The following POLR3A variants were observed in gnomAD, a reference collection of about 807,000 sequenced individuals.
The protein encoded by POLR3A is DNA-directed RNA polymerase III subunit RPC1.
Under a neutral mutation model 152.8 loss-of-function variants are expected in POLR3A, and 112 were observed. That is an observed-to-expected ratio of 0.73 (90% CI 0.63 to 0.86). The LOEUF is 0.86. Among genes scored for constraint, POLR3A ranks in the 40% least tolerant of loss-of-function variants. POLR3A has a pLI of 0.00. For synonymous variants in POLR3A, 615 were observed against 652.1 expected, an observed-to-expected ratio of 0.94 and a Z score of 0.87; for missense variants, 1,385 against 1,743.1, an observed-to-expected ratio of 0.79 and a Z score of 3.66.
chr10:77,980,413 G>T lies in POLR3A; in HGVS notation c.3892-140C>A. 9.2e-6 allele frequency: 7 copies of T among 764,948 alleles called. No individual in the cohort carries two copies. The South Asian group carries it at 1.0e-4, about 11-fold the overall frequency. The allele number at this position is 764,948 out of a possible 1,614,324, so 47.4% of individuals were successfully genotyped here. Reference sequence around the variant, plus strand: ...GGTGTGAAAGGCCCTGAGGAGCTATGGGTCCGCCCTCTGTGTCCCATTGAG... The same window carrying T: ...GGTGTGAAAGGCCCTGAGGAGCTATTGGTCCGCCCTCTGTGTCCCATTGAG... On this transcript the variant is annotated intron_variant, in intron 29 of 30. Coordinates refer to ENST00000372371, the MANE Select transcript of POLR3A (RefSeq NM_007055.4).
intron 2 of POLR3A, 67 bp from the exon 3 acceptor site, chr10:78,025,826 T>C (rs1260095242): frequency 1.2e-5 from 17 of 1,436,100 alleles, no homozygotes; most frequent in Non-Finnish European, 1.3e-5. Context: ...CCAGCCATCA[T>C]GCCTGGCTGG....
At chr10:77,989,283 G>T (rs77853092) in intron 21 of POLR3A, among the ~76,000 whole-genome samples, 2 of 152,120 alleles carry the variant, frequency 1.3e-5, no homozygotes, top group African/African-American at 4.8e-5. Flanking sequence ...CTATGAGCAC[G>T]GGCATTCTCC....
intron 21 of POLR3A, among the ~76,000 whole-genome samples, chr10:77,990,617 A>AT (rs751268930): frequency 0.085 from 11,670 of 138,054 alleles, 1,342 homozygotes; most frequent in African/African-American, 0.26. Flanking sequence ...ACTGCCTGTC[A>AT]TTTTTTTTTT....
At chr10:78,025,524 A>G (rs573596102) in intron 3 of POLR3A, 98 bp downstream of exon 3, 48 of 1,165,872 alleles carry the variant, frequency 4.1e-5, no homozygotes, top group Non-Finnish European at 6.1e-5. Context: ...AGTCCCCTAG[A>G]TGTATCCCCC....
rs760700130 is a variant in POLR3A, at chr10:78,017,631, C to T, written c.1375G>A (p.Val459Met). The T allele has an allele frequency of 1.2e-6, 2 of 1,614,132 alleles. No homozygotes were observed. The highest frequency in any genetic ancestry group is 3.3e-5 in the Admixed American group (2 of 60,026). ...GAGGGCTGCCGATTGAACAGCACCA[C>T]ATCTCCATCGATGAGGTGTCTCTCT... ...IVERHLIDGDVVLFNRQPSLH... is the reference protein window; with the variant it reads ...IVERHLIDGDMVLFNRQPSLH... The change falls in exon 10 of 31, where the codon GTG becomes ATG. Residue 459 changes from valine to methionine, a missense_variant. Val to Met is a conservative substitution (Grantham distance 21). Around this residue, in one of 7 missense-constraint regions of POLR3A, gnomAD observed 493 missense variants for 647.5 expected, o/e 0.76. Transcript: ENST00000372371.
chr10:77,984,210 C>T lies in POLR3A; in HGVS notation c.3331G>A (p.Gly1111Arg), dbSNP rs139624168. The T allele has an allele frequency of 1.9e-6, 3 of 1,598,080 alleles. No individual in the cohort carries two copies. In the East Asian group the frequency reaches 6.7e-5, roughly 36 times the overall value. The change falls in exon 25 of 31, where the codon GGA becomes AGA. Residue 1111 changes from glycine (G) to arginine (R), a missense_variant. Gly to Arg is a moderately radical substitution (Grantham distance 125). Transcript: ENST00000372371. ...VKGRIEKTLL[G>R]EISEYIEEVF... ...CAATAGGGATTTCTTCTTACCTCTC[C>T]CAAGAGGGTTTTCTCAATTCTCCCT...
rs952024601 is a variant in POLR3A at position 78,019,069 on chromosome 10, G to A, written c.1289+93C>T. 5.5e-6 allele frequency: 5 copies of A among 901,164 alleles called. No individual in the cohort carries two copies. The African/African-American group carries it at 6.5e-5, about 12-fold the overall frequency. The allele number at this position is 901,164 out of a possible 1,614,324, so 55.8% of individuals were successfully genotyped here. ...CACATGCCAAAATGTCACGCAAACT[G>A]TATTTCTGGATTGCATTCTGTGGCT... is the stretch of plus-strand genomic sequence containing the variant. On this transcript the variant is annotated intron_variant, in intron 9 of 30. Coordinates refer to ENST00000372371, the MANE Select transcript of POLR3A (RefSeq NM_007055.4).
chr10:78,013,889 G>A, intron 10 of POLR3A, 99 bp from the exon 11 acceptor site: 1 of 1,350,096 alleles, frequency 7.4e-7, no homozygotes, highest in Admixed American at 1.8e-5. Flanking sequence ...CTGGAATACT[G>A]GGCACTGGCT....
In POLR3A at chr10:78,009,937, T is replaced by C; in HGVS notation, c.1697A>G (p.Gln566Arg). ...DTFFDRAKAC[Q>R]IIASILVGKD... ...GCCAACCAGTATTGAAGCAATGATTTGGCAAGCCTTGGCTCGATCAAAGAA... is the reference window on the plus strand; with the variant it reads ...GCCAACCAGTATTGAAGCAATGATTCGGCAAGCCTTGGCTCGATCAAAGAA... The change falls in exon 13 of 31, where the codon CAA (glutamine) becomes CGA (arginine). Residue 566 changes from glutamine (Q) to arginine (R), a missense_variant. By Grantham distance (43) the Gln-to-Arg change is conservative. This residue lies in a region of POLR3A where 188 missense variants were observed against 179.9 expected (regional missense o/e 1.04). Transcript: ENST00000372371. The C allele has an allele frequency of 6.2e-7, 1 of 1,614,234 alleles. No homozygotes were observed. Among genetic ancestry groups the C allele is most frequent in the Non-Finnish European group, 8.5e-7 (1 of 1,180,046 alleles).
chr10:78,014,573 C>T (rs1003767194), intron 10 of POLR3A, among the ~76,000 whole-genome samples: 9 of 152,122 alleles, frequency 5.9e-5, no homozygotes, highest in Non-Finnish European at 1.3e-4. Context: ...TTTACTGCCA[C>T]ACCAGGCTAA....
At position 78,000,087 on chromosome 10, in the gene POLR3A, C is replaced by G; in HGVS notation, c.2510G>C (p.Ser837Thr). Residue 837 changes from serine to threonine, a missense_variant, in exon 19 of 31, where the codon AGC becomes ACC. This residue lies in a region of POLR3A where 170 missense variants were observed against 231.2 expected (regional missense o/e 0.74). Coordinates refer to ENST00000372371, the MANE Select transcript of POLR3A (RefSeq NM_007055.4). Reference sequence around the variant, plus strand: ...AGTTGGTGTCAAACCGGAATAAAAGCTATTAGCCACAAAGCCTTTGGCAGC... The same window carrying G: ...AGTTGGTGTCAAACCGGAATAAAAGGTATTAGCCACAAAGCCTTTGGCAGC... ...LPAAKGFVANSFYSGLTPTEF... is the reference protein window; with the variant it reads ...LPAAKGFVANTFYSGLTPTEF... 1 of 1,614,054 alleles carries G rather than the reference C, an allele frequency of 6.2e-7. No homozygotes were observed. The highest frequency in any genetic ancestry group is 8.5e-7 in the Non-Finnish European group (1 of 1,179,990).
intron 1 of POLR3A, 61 bp downstream of exon 1, chr10:78,029,303 C>G: frequency 6.4e-7 from 1 of 1,564,574 alleles, no homozygotes; most frequent in Non-Finnish European, 8.8e-7. Flanking sequence ...GACCCGGGAC[C>G]GCTGACCTCG....
chr10:77,983,410 C>T (rs188194365), intron 26 of POLR3A, among the ~76,000 whole-genome samples: 161 of 152,286 alleles, frequency 1.1e-3, no homozygotes, highest in Non-Finnish European at 1.5e-3. Context: ...AAGAGGGTGT[C>T]GGGAAGTTAC....
intron 11 of POLR3A, among the ~76,000 whole-genome samples, chr10:78,012,657 G>A (rs186447492): frequency 3.9e-5 from 6 of 151,946 alleles, no homozygotes; most frequent in Admixed American, 6.6e-5. Flanking sequence ...CTACACAGCC[G>A]GTGCCATGTC....
At position 78,010,611 on chromosome 10, in the gene POLR3A, AG is replaced by A. The variant is rs1214499470; in HGVS notation, c.1573-72del. 15 of 1,087,296 alleles carry A rather than the reference AG, an allele frequency of 1.4e-5. No individual in the cohort carries two copies. The East Asian group carries it at 3.3e-4, about 24-fold the overall frequency. The allele number at this position is 1,087,296 out of a possible 1,614,324, so 67.4% of individuals were successfully genotyped here. A position where few individuals can be genotyped will look rare whatever the true frequency, so the allele number is the denominator to read the frequency against. On this transcript the variant is annotated intron_variant, in intron 11 of 30. Transcript: ENST00000372371. The stretch of plus-strand genomic sequence containing the variant: ...GATGCAGCCCAAAGCCTGAATCACA[AG>A]GTTTTTGAATAGTTATGAACAAATA...
Position 78,021,861 on chromosome 10 carries a change from C to T in POLR3A, c.1047G>A (p.Gln349=), listed in dbSNP as rs1172068069. 2 of 1,613,532 alleles carry T rather than the reference C, an allele frequency of 1.2e-6. No homozygotes were observed. Among genetic ancestry groups the T allele is most frequent in the African/African-American group, 2.7e-5 (2 of 74,922 alleles). Residue 349 remains glutamine (Q), a splice_region_variant and synonymous_variant, in exon 7 of 31, where the codon CAG becomes CAA. Transcript: ENST00000372371. ...RGFVQRLKGK[Q]GRFRGNLSGK... ...CTGCACATCTTGTGGGAAACCTACC[C>T]TGTTTTCCCTTCAGGCGTTGGACGA...
Position 77,975,602 on chromosome 10 carries a change from C to T in POLR3A, c.*1876G>A, listed in dbSNP as rs959037407. ...TGCAGCGCCCAACTGAGTACTCACT[C>T]ACGCAAGGTGAGGCTCCTTGGCGGT... On this transcript the variant is annotated 3_prime_UTR_variant, in exon 31 of 31. Transcript: ENST00000372371. The T allele has an allele frequency of 6.6e-6, 1 of 152,412 alleles. No individual in the cohort carries two copies. The highest frequency in any genetic ancestry group is 1.5e-5 in the Non-Finnish European group (1 of 68,124). 9.4% of individuals were successfully genotyped at this position (152,412 alleles called of 1,614,324 possible).
chr10:77,993,668 T>C (rs1016299211), intron 19 of POLR3A, among the ~76,000 whole-genome samples: 3 of 152,218 alleles, frequency 2.0e-5, no homozygotes, highest in African/African-American at 7.2e-5. Context: ...TTTCCTAGGC[T>C]GTTTTACCTT....
intron 4 of POLR3A, 127 bp from the exon 5 acceptor site, chr10:78,024,830 A>G (rs1847616213): frequency 7.5e-7 from 1 of 1,325,946 alleles, no homozygotes; most frequent in Non-Finnish European, 1.1e-6. Context: ...CCGTTTCCCA[A>G]TAGGACATCA....
Sources: allele counts gnomAD v4.1 joint callset (sites outside exome capture counted in the v4.1 genomes callset), GRCh38; gene constraint gnomAD v4.1.1; regional missense constraint gnomAD v4.1.1; transcripts MANE v1.5; gene names NCBI Gene and HGNC (gene_info 2026-07-23, HGNC 2026-07-21).